Variants in PHACTR1 observed in about 807,000 individuals in gnomAD.
PHACTR1 encodes phosphatase and actin regulator 1, also known as RPEL repeat containing 1.
A neutral mutation model predicts 69.2 loss-of-function variants in PHACTR1; 16 were observed. The ratio of observed to expected loss-of-function variants is 0.23; its 90% CI spans 0.16 to 0.35. PHACTR1 has a LOEUF of 0.35. Among genes scored for constraint, PHACTR1 ranks in the 10% least tolerant of loss-of-function variants. The pLI, the probability that PHACTR1 is intolerant of heterozygous loss-of-function variation, is 1.00. For synonymous variants in PHACTR1, 312 were observed against 284.5 expected (o/e 1.10, Z -0.97); for missense variants, 510 against 734.7 (o/e 0.69, Z 3.54).
chr6:12,748,029 T>C (rs928928882), intron 3 of PHACTR1, among the ~76,000 whole-genome samples: 20 of 152,206 alleles, frequency 1.3e-4, no homozygotes, highest in Non-Finnish European at 2.6e-4. Flanking sequence ...AAGAAAGAAT[T>C]AGTTTTGACT....
rs191759860 is a variant in PHACTR1 at position 13,099,659 on chromosome 6, A to G, written c.415+46130A>G. ...AGTGTTTCATCTTGAAGAATTCTAC[A>G]TGAACATGAAAGATAACTTAGGTAA... is the stretch of plus-strand genomic sequence containing the variant. On this transcript the variant is annotated intron_variant, in intron 5 of 14. Coordinates refer to ENST00000332995, the MANE Select transcript of PHACTR1 (RefSeq NM_030948.6). Among the ~76,000 whole-genome samples, 264 of 152,340 alleles carry G rather than the reference A, an allele frequency of 1.7e-3. 3 individuals are homozygous for G. The highest frequency in any genetic ancestry group is 0.017 in the Middle Eastern group (5 of 294).
chr6:12,946,543 T>C (rs1028212712), intron 4 of PHACTR1, among the ~76,000 whole-genome samples: 4 of 151,640 alleles, frequency 2.6e-5, no homozygotes, highest in Non-Finnish European at 4.4e-5. Flanking sequence ...TCTAGAAAAA[T>C]AGATTAAAAG....
intron 4 of PHACTR1, among the ~76,000 whole-genome samples, chr6:12,886,224 A>G (rs1474461281): frequency 6.6e-6 from 1 of 151,560 alleles, no homozygotes; most frequent in Non-Finnish European, 1.5e-5. Flanking sequence ...CCACAAGTGC[A>G]TATAATCCTC....
At chr6:13,199,315 T>C (rs538430475) in intron 7 of PHACTR1, among the ~76,000 whole-genome samples, 53 of 130,194 alleles carry the variant, frequency 4.1e-4, no homozygotes, top group African/African-American at 1.4e-3. Context: ...ACCTGGGAGG[T>C]GGAGGTTGCA....
intron 8 of PHACTR1, among the ~76,000 whole-genome samples, chr6:13,212,234 T>G (rs181712538): frequency 1.3e-5 from 2 of 152,330 alleles, no homozygotes; most frequent in East Asian, 3.9e-4. Flanking sequence ...GACTTAGGAC[T>G]TCAACATATG....
At chr6:13,190,149 G>A (rs191248037) in intron 7 of PHACTR1, among the ~76,000 whole-genome samples, 21 of 146,478 alleles carry the variant, frequency 1.4e-4, no homozygotes, top group Admixed American at 8.3e-4. Context: ...TCAGCCTCCC[G>A]AGTAGCTGGA....
chr6:13,209,332 T>C (rs952834237), intron 8 of PHACTR1, among the ~76,000 whole-genome samples: 15 of 152,238 alleles, frequency 9.9e-5, no homozygotes, highest in African/African-American at 3.6e-4. Flanking sequence ...AACCAAGTTT[T>C]ATACAGAAAG....
At chr6:12,832,594 G>A (rs1777703201) in intron 4 of PHACTR1, among the ~76,000 whole-genome samples, 2 of 151,822 alleles carry the variant, frequency 1.3e-5, no homozygotes, top group African/African-American at 4.8e-5. Context: ...AGGGAGTCAA[G>A]AACTTCTCAT....
chr6:12,905,199 G>C (rs1183581652), intron 4 of PHACTR1, among the ~76,000 whole-genome samples: 1 of 152,176 alleles, frequency 6.6e-6, no homozygotes, highest in Non-Finnish European at 1.5e-5. Flanking sequence ...TGACCACCCA[G>C]GGTGGAAAAG....
At chr6:13,197,522 C>T (rs1297504161) in intron 7 of PHACTR1, among the ~76,000 whole-genome samples, 3 of 152,002 alleles carry the variant, frequency 2.0e-5, no homozygotes, top group African/African-American at 7.3e-5. Flanking sequence ...GTACTTAAAC[C>T]CCAGCTCTTC....
intron 4 of PHACTR1, among the ~76,000 whole-genome samples, chr6:12,926,281 G>T (rs1788259290): frequency 6.6e-6 from 1 of 151,878 alleles, no homozygotes; most frequent in Admixed American, 6.6e-5. Context: ...TTTTCCCTTT[G>T]ACTCTTGTCT....
chr6:13,053,554 C>T, intron 5 of PHACTR1, 25 bp downstream of exon 5: 3 of 1,606,316 alleles, frequency 1.9e-6, no homozygotes, highest in Non-Finnish European at 2.6e-6. Context: ...TCTTTCATTT[C>T]CCATTTGGTG....
intron 4 of PHACTR1, chr6:12,933,815 C>T: frequency 6.2e-7 from 1 of 1,612,796 alleles, no homozygotes; most frequent in South Asian, 1.1e-5. Flanking sequence ...ATTCTCTACT[C>T]AGGGTATGAG....
chr6:13,286,958 C>A (rs1427039233), intron 14 of PHACTR1, 105 bp from the exon 15 acceptor site: 1 of 1,251,704 alleles, frequency 8.0e-7, no homozygotes. Context: ...GAAGCTCGCA[C>A]CTCCCTCTCA....
At chr6:13,025,047 G>C (rs1801490692) in intron 4 of PHACTR1, among the ~76,000 whole-genome samples, 1 of 152,170 alleles carries the variant, frequency 6.6e-6, no homozygotes, top group Non-Finnish European at 1.5e-5. Context: ...CTTGAGCCCA[G>C]GAGTTCAAGA....
At chr6:13,034,482 A>C (rs780667292) in intron 4 of PHACTR1, among the ~76,000 whole-genome samples, 4 of 152,134 alleles carry the variant, frequency 2.6e-5, no homozygotes, top group Non-Finnish European at 5.9e-5. Flanking sequence ...TTTATCTTGG[A>C]GGTTCAGTTA....
chr6:13,057,626 C>G (rs12332827), intron 5 of PHACTR1, among the ~76,000 whole-genome samples: 3,520 of 152,156 alleles, frequency 0.023, 137 homozygotes, highest in African/African-American at 0.08. Flanking sequence ...TACCTTTATA[C>G]AAGGAATAAA....
At chr6:13,018,738 C>G (rs1268058480) in intron 4 of PHACTR1, among the ~76,000 whole-genome samples, 6 of 152,138 alleles carry the variant, frequency 3.9e-5, no homozygotes, top group Non-Finnish European at 8.8e-5. Context: ...GAAGGAAGGT[C>G]AGGAAAAGCC....
Position 12,920,637 on chromosome 6 carries a change from A to G in PHACTR1, c.251-132728A>G, listed in dbSNP as rs111631320. The stretch of plus-strand genomic sequence containing the variant: ...AATATTGAAATAAATTTGTAGCTAC[A>G]TTATAATTCATAAATTGTAGAATTA... On this transcript the variant is annotated intron_variant, in intron 4 of 14. Coordinates refer to ENST00000332995, the MANE Select transcript of PHACTR1 (RefSeq NM_030948.6). Among the ~76,000 whole-genome samples the G allele has an allele frequency of 6.2e-3, 949 of 152,392 alleles. 6 individuals are homozygous for G. Among genetic ancestry groups the G allele is most frequent in the Non-Finnish European group, 0.01 (697 of 68,042 alleles).
Sources: gnomAD v4.1 joint callset for allele counts (sites outside exome capture counted in the v4.1 genomes callset) on GRCh38, gnomAD v4.1.1 for gene constraint, MANE v1.5 for transcripts, NCBI Gene and HGNC (gene_info 2026-07-23, HGNC 2026-07-21) for gene names.